The following DGKB variants were observed in gnomAD, a reference collection of about 807,000 sequenced individuals.
DGKB encodes the protein 90 kDa diacylglycerol kinase.
In DGKB, 67 loss-of-function variants were observed where a neutral mutation model predicts 114.3. The ratio of observed to expected loss-of-function variants is 0.59; its 90% confidence interval spans 0.48 to 0.72. The LOEUF (loss-of-function observed/expected upper bound fraction) is 0.72, where lower values mean the gene tolerates loss of function less well. DGKB is among the 30% of genes least tolerant of loss of function. The pLI is 0.00. For missense variants in DGKB, 907 were observed against 975.2 expected (o/e 0.93, Z 0.93); for synonymous variants, 398 against 323.1 (o/e 1.23, Z -2.49).
intron 23 of DGKB, among the ~76,000 whole-genome samples, chr7:14,296,564 CCT>C (rs1356548579): frequency 4.6e-5 from 7 of 151,780 alleles, no homozygotes; most frequent in African/African-American, 1.7e-4. Flanking sequence ...GCTCTAGATC[CCT>C]GAGGAATTGC....
intron 5 of DGKB, among the ~76,000 whole-genome samples, chr7:14,726,119 ATTATTTATTTATTTTTAT>A (rs1564024476): frequency 6.6e-6 from 1 of 151,898 alleles, no homozygotes; most frequent in African/African-American, 2.4e-5. Flanking sequence ...TTGGAGTTTT[ATTATTTATTTATTTTTAT>A]TTATTTATTT....
chr7:14,853,176 A>G lies in DGKB; in HGVS notation c.-187-11726T>C, dbSNP rs76059563. 4.1e-4 allele frequency among the ~76,000 whole-genome samples: 63 copies of G among 152,274 alleles called. No homozygotes were observed. In the East Asian group the frequency reaches 0.011, roughly 28 times the overall value. ...GCGAGGGACTTTTTTACCAAACGATATTTGATGTCTGCACTGAGAAACAAA... is the reference window on the plus strand; with the variant it reads ...GCGAGGGACTTTTTTACCAAACGATGTTTGATGTCTGCACTGAGAAACAAA... On this transcript the variant is annotated intron_variant, in intron 1 of 25. Transcript: ENST00000402815.
intron 1 of DGKB, among the ~76,000 whole-genome samples, chr7:14,943,576 A>AT (rs1367615057): frequency 1.3e-5 from 2 of 151,652 alleles, no homozygotes; most frequent in East Asian, 3.9e-4. Flanking sequence ...ATCCAGAGAC[A>AT]TTTTTTGGCC....
intron 2 of DGKB, among the ~76,000 whole-genome samples, chr7:14,803,647 A>G (rs562285108): frequency 7.0e-6 from 1 of 142,048 alleles, no homozygotes; most frequent in South Asian, 2.2e-4. Flanking sequence ...TTTTTAATGT[A>G]ATTTATTTCT....
At chr7:14,822,933 ACAT>A (rs1221553345) in intron 2 of DGKB, among the ~76,000 whole-genome samples, 1 of 152,046 alleles carries the variant, frequency 6.6e-6, no homozygotes, top group Non-Finnish European at 1.5e-5. Context: ...ATATTTTTCT[ACAT>A]AATATCTTAA....
intron 8 of DGKB, among the ~76,000 whole-genome samples, chr7:14,697,466 T>C (rs929493331): frequency 7.9e-5 from 12 of 152,116 alleles, no homozygotes; most frequent in Admixed American, 3.9e-4. Context: ...CTTATCCACA[T>C]GTATGTAAGA....
chr7:14,482,059 C>T (rs970450683), intron 20 of DGKB, among the ~76,000 whole-genome samples: 1 of 151,832 alleles, frequency 6.6e-6, no homozygotes, highest in African/African-American at 2.4e-5. Flanking sequence ...GTTCAAGACC[C>T]AGCTCTAAAT....
At chr7:14,856,717 C>T (rs1289246021) in intron 1 of DGKB, among the ~76,000 whole-genome samples, 21 of 151,792 alleles carry the variant, frequency 1.4e-4, no homozygotes, top group Admixed American at 1.2e-3. Flanking sequence ...AAGATTTAGG[C>T]TTTATTTTTA....
At chr7:14,730,464 CT>C in intron 5 of DGKB, among the ~76,000 whole-genome samples, 1 of 152,178 alleles carries the variant, frequency 6.6e-6, no homozygotes, top group South Asian at 2.1e-4. Flanking sequence ...TTAGCTGAGG[CT>C]TTAAGGAAGC....
intron 23 of DGKB, among the ~76,000 whole-genome samples, chr7:14,209,755 G>A (rs940856976): frequency 1.3e-5 from 2 of 152,078 alleles, no homozygotes; most frequent in Non-Finnish European, 2.9e-5. Context: ...TGATTAAACA[G>A]AGTTCACTTT....
intron 23 of DGKB, among the ~76,000 whole-genome samples, chr7:14,259,328 TTA>T (rs1584776750): frequency 2.7e-5 from 1 of 36,568 alleles, no homozygotes; most frequent in East Asian, 0.17. Context: ...TTAACCTCAA[TTA>T]AATCTTTCGT....
intron 2 of DGKB, among the ~76,000 whole-genome samples, chr7:14,782,063 C>T (rs1839184592): frequency 6.6e-6 from 1 of 152,144 alleles, no homozygotes; most frequent in Admixed American, 6.5e-5. Flanking sequence ...CTTGTTGTCT[C>T]TCCCAGGCTG....
At chr7:14,752,320 C>A (rs1178930051) in intron 4 of DGKB, among the ~76,000 whole-genome samples, 1 of 131,150 alleles carries the variant, frequency 7.6e-6, no homozygotes, top group East Asian at 2.3e-4. Context: ...GGTTTTGAAT[C>A]CCCAGGTTCC....
intron 21 of DGKB, among the ~76,000 whole-genome samples, chr7:14,444,394 T>C (rs1302203324): frequency 6.6e-6 from 1 of 151,814 alleles, no homozygotes; most frequent in Non-Finnish European, 1.5e-5. Flanking sequence ...ATATCCTGTA[T>C]GACAAAATGA....
At chr7:14,776,794 G>A (rs990115401) in intron 2 of DGKB, among the ~76,000 whole-genome samples, 1 of 152,230 alleles carries the variant, frequency 6.6e-6, no homozygotes, top group Non-Finnish European at 1.5e-5. Context: ...ACAGCACAGA[G>A]TCCCTACTGT....
chr7:14,953,892 G>A (rs1786346301), intron 1 of DGKB, among the ~76,000 whole-genome samples: 1 of 152,076 alleles, frequency 6.6e-6, no homozygotes, highest in African/African-American at 2.4e-5. Flanking sequence ...CTTAATGTAT[G>A]GGCCCCCAGA....
In DGKB at chr7:14,345,374, CA is replaced by C; in HGVS notation, c.1852del (p.Trp618GlyfsTer22). The C allele has an allele frequency of 6.5e-7, 1 of 1,539,154 alleles. No homozygotes were observed. The highest frequency in any genetic ancestry group is 8.8e-7 in the Non-Finnish European group (1 of 1,139,380). ...KFNSRMKNKF[W>X]YFEFGTSETF... ...TTCAGATGTGCCAAACTCAAAATACCAAAATTTGTTCTTCATTCTGAAAAAG... is the reference window on the plus strand; with the variant it reads ...TTCAGATGTGCCAAACTCAAAATACCAAATTTGTTCTTCATTCTGAAAAAG... On this transcript the variant is annotated frameshift_variant, in exon 22 of 26. Transcript: ENST00000402815. LOFTEE classifies it high-confidence loss of function.
At chr7:14,891,309 T>C (rs1781192076) in intron 1 of DGKB, among the ~76,000 whole-genome samples, 1 of 151,458 alleles carries the variant, frequency 6.6e-6, no homozygotes, top group South Asian at 2.1e-4. Context: ...AGAGAGATGC[T>C]TTATGAGATA....
intron 21 of DGKB, among the ~76,000 whole-genome samples, chr7:14,396,083 A>G (rs1191788714): frequency 6.6e-6 from 1 of 152,018 alleles, no homozygotes; most frequent in African/African-American, 2.4e-5. Context: ...GGGCAGGTTA[A>G]CCTTACATGT....
Sources: gnomAD v4.1 joint callset for allele counts (sites outside exome capture counted in the v4.1 genomes callset) on GRCh38, gnomAD v4.1.1 for gene constraint, MANE v1.5 for transcripts, NCBI Gene and HGNC (gene_info 2026-07-23, HGNC 2026-07-21) for gene names.